The following CRACD variants were observed in gnomAD, a reference collection of about 807,000 sequenced individuals.
The protein encoded by CRACD is capping protein-inhibiting regulator of actin dynamics.
In CRACD, 56 loss-of-function variants were observed where a neutral mutation model predicts 106.8. That is an observed-to-expected ratio of 0.52 (90% confidence interval 0.42 to 0.66). CRACD has a LOEUF of 0.66. CRACD is among the 30% of genes least tolerant of loss of function. The probability of loss-of-function intolerance (pLI) is 0.00; values close to 1 mark genes in which losing one functional copy is unlikely to be tolerated. For synonymous variants in CRACD, 754 were observed against 670.8 expected, an observed-to-expected ratio of 1.12 and a Z score of -1.92; for missense variants, 1,730 against 1,623.2, an observed-to-expected ratio of 1.07 and a Z score of -1.13.
At chr4:56,242,587 G>A (rs538210206) in intron 2 of CRACD, among the ~76,000 whole-genome samples, 1 of 152,220 alleles carries the variant, frequency 6.6e-6, no homozygotes, top group African/African-American at 2.4e-5. Context: ...GCAAGGATGA[G>A]CACCCCAAGA....
chr4:56,087,849 G>A (rs1733281778), intron 1 of CRACD, among the ~76,000 whole-genome samples: 1 of 152,082 alleles, frequency 6.6e-6, no homozygotes. Context: ...TTCCTAAGGA[G>A]TGTGTCATCA....
intron 2 of CRACD, among the ~76,000 whole-genome samples, chr4:56,267,415 C>T (rs1742088427): frequency 6.6e-6 from 1 of 152,122 alleles, no homozygotes; most frequent in Non-Finnish European, 1.5e-5. Flanking sequence ...AGCCACCACG[C>T]CTGGCCAATT....
chr4:56,323,227 C>T (rs1478092425), intron 8 of CRACD, 150 bp from the exon 9 acceptor site: 11 of 588,188 alleles, frequency 1.9e-5, no homozygotes, highest in Non-Finnish European at 3.2e-5. Flanking sequence ...AGTGGAGCCA[C>T]TCAGGCATCA....
intron 1 of CRACD, among the ~76,000 whole-genome samples, chr4:56,138,850 A>G (rs1735094868): frequency 6.6e-6 from 1 of 152,222 alleles, no homozygotes; most frequent in South Asian, 2.1e-4. Context: ...TCCACAAAGA[A>G]AACACATTTG....
intron 1 of CRACD, among the ~76,000 whole-genome samples, chr4:56,068,753 G>A (rs1290397797): frequency 6.6e-6 from 1 of 152,184 alleles, no homozygotes; most frequent in East Asian, 1.9e-4. Flanking sequence ...TAGGACTACA[G>A]CGGGGGATGG....
intron 2 of CRACD, among the ~76,000 whole-genome samples, chr4:56,235,262 A>G (rs558174773): frequency 3.9e-5 from 6 of 152,356 alleles, no homozygotes; most frequent in Admixed American, 2.6e-4. Flanking sequence ...CATCAAAAAC[A>G]GATAAGACAT....
At chr4:56,200,034 TA>T (rs1266022839) in intron 2 of CRACD, among the ~76,000 whole-genome samples, 5 of 151,858 alleles carry the variant, frequency 3.3e-5, no homozygotes, top group African/African-American at 9.7e-5. Context: ...AGAAGTCTAT[TA>T]TTTTTTACCA....
intron 1 of CRACD, among the ~76,000 whole-genome samples, chr4:56,072,922 A>G (rs1732713639): frequency 6.6e-6 from 1 of 152,200 alleles, no homozygotes; most frequent in African/African-American, 2.4e-5. Flanking sequence ...ATGTCCCTGC[A>G]AAGGACATGA....
chr4:56,111,340 G>A (rs987778646), intron 1 of CRACD, among the ~76,000 whole-genome samples: 6 of 147,624 alleles, frequency 4.1e-5, no homozygotes, highest in East Asian at 2.0e-4. Flanking sequence ...AGATGTGAAC[G>A]TGGTTGCCTC....
In CRACD at chr4:56,227,924, C is replaced by T. The variant is rs144043881; in HGVS notation, c.-188-44397C>T. Among the ~76,000 whole-genome samples, 486 of 152,264 alleles carry T rather than the reference C, an allele frequency of 3.2e-3. 1 individual carries two copies. Among genetic ancestry groups the T allele is most frequent in the Non-Finnish European group, 5.8e-3 (392 of 68,018 alleles). On this transcript the variant is annotated intron_variant, in intron 2 of 10. Coordinates refer to ENST00000682029, the MANE Select transcript of CRACD (RefSeq NM_001393381.1). The stretch of plus-strand genomic sequence containing the variant: ...TTCCCTCTCCCTGCCTCTTAGGAAG[C>T]GCTTAACCTCTACCTGTAGTTTAGA...
intron 1 of CRACD, among the ~76,000 whole-genome samples, chr4:56,170,536 C>T (rs1009867575): frequency 6.6e-6 from 1 of 152,212 alleles, no homozygotes; most frequent in African/African-American, 2.4e-5. Context: ...GAATGGCAGA[C>T]TCAGACATTT....
chr4:56,064,912 A>G (rs1001749170), intron 1 of CRACD, among the ~76,000 whole-genome samples: 2 of 152,034 alleles, frequency 1.3e-5, no homozygotes, highest in Non-Finnish European at 2.9e-5. Context: ...ACGGGTCCCA[A>G]ATGTCTGCAG....
rs1159966534 is a variant in CRACD at position 56,314,685 on chromosome 4, G to T, written c.1183G>T (p.Gly395Cys). ...ALEETGEGRR[G>C]AEEEDLGEEE... ...GGAGGAGACTGGGGAGGGCCGGCGG[G>T]GCGCGGAGGAGGAGGATCTGGGGGA... Residue 395 changes from glycine (G) to cysteine (C), a missense_variant, in exon 8 of 11, where the codon GGC becomes TGC. By Grantham distance (159) the Gly-to-Cys change is radical. Around this residue, in one of 5 missense-constraint regions of CRACD, gnomAD observed 1,620 missense variants for 1,481.6 expected, o/e 1.09. Transcript: ENST00000682029. This position sits in a 1 kb window ranked among gnomAD's most constrained non-coding sequence, Gnocchi z 4.4. The T allele has an allele frequency of 6.4e-7, 1 of 1,552,398 alleles. No individual in the cohort carries two copies. Among genetic ancestry groups the T allele is most frequent in the Non-Finnish European group, 8.7e-7 (1 of 1,147,980 alleles).
At chr4:56,286,842 G>C (rs1471930626) in intron 3 of CRACD, among the ~76,000 whole-genome samples, 2 of 152,120 alleles carry the variant, frequency 1.3e-5, no homozygotes, top group East Asian at 1.9e-4. Context: ...AACAAAGTCT[G>C]CAACGGCTTC....
intron 1 of CRACD, among the ~76,000 whole-genome samples, chr4:56,103,476 C>T (rs1733846463): frequency 6.6e-6 from 1 of 152,158 alleles, no homozygotes; most frequent in Admixed American, 6.5e-5. Flanking sequence ...TGGGTCTTTT[C>T]TGCTAAGATT....
At chr4:56,170,990 G>C (rs1335303299) in intron 1 of CRACD, among the ~76,000 whole-genome samples, 2 of 152,180 alleles carry the variant, frequency 1.3e-5, no homozygotes, top group African/African-American at 4.8e-5. Context: ...GCTGCAGCAA[G>C]TCATGCATGA....
At chr4:56,297,194 C>T (rs1744104647) in intron 3 of CRACD, among the ~76,000 whole-genome samples, 1 of 152,188 alleles carries the variant, frequency 6.6e-6, no homozygotes, top group Non-Finnish European at 1.5e-5. Flanking sequence ...CTGCCTGCCT[C>T]TGCCTCCCAA....
chr4:56,068,784 G>C (rs1355375817), intron 1 of CRACD, among the ~76,000 whole-genome samples: 1 of 152,146 alleles, frequency 6.6e-6, no homozygotes, highest in Non-Finnish European at 1.5e-5. Flanking sequence ...TAAAGATCTG[G>C]AGTTTGATTT....
chr4:56,229,732 T>C (rs999404915), intron 2 of CRACD, among the ~76,000 whole-genome samples: 2 of 152,232 alleles, frequency 1.3e-5, no homozygotes, highest in African/African-American at 2.4e-5. Flanking sequence ...CTAAATGTAC[T>C]GTATGGTACC....
Sources: gnomAD v4.1 joint callset for allele counts (sites outside exome capture counted in the v4.1 genomes callset) on GRCh38, gnomAD v4.1.1 for gene constraint, gnomAD v4.1.1 regional missense constraint, Gnocchi (gnomAD v3.1) non-coding constraint, MANE v1.5 for transcripts, NCBI Gene and HGNC (gene_info 2026-07-23, HGNC 2026-07-21) for gene names.